BANP: variants seen among roughly 807,000 people sequenced by gnomAD.
BANP encodes the protein protein BANP.
In BANP, 11 loss-of-function variants were observed where a neutral mutation model predicts 68.1. The observed-to-expected ratio is 0.16, with a 90% CI of 0.10 to 0.27. BANP has a LOEUF of 0.27. BANP is among the 10% of genes least tolerant of loss of function. The pLI, the probability that BANP is intolerant of heterozygous loss-of-function variation, is 1.00. For synonymous variants in BANP, 329 were observed against 303.2 expected (o/e 1.09, Z -0.88); for missense variants, 504 against 722.7 (o/e 0.70, Z 3.47).
chr16:87,973,412 G>T (rs571654434), intron 1 of BANP, among the ~76,000 whole-genome samples: 1 of 152,216 alleles, frequency 6.6e-6, no homozygotes, highest in South Asian at 2.1e-4. Context: ...CTCTATAAAG[G>T]AAGATTTAAG....
At chr16:87,999,137 C>T (rs1327736580) in intron 4 of BANP, among the ~76,000 whole-genome samples, 8 of 142,160 alleles carry the variant, frequency 5.6e-5, no homozygotes, top group African/African-American at 1.3e-4. Context: ...CATGCATGCA[C>T]GTGCATGGCT....
chr16:88,076,465 G>A, intron 13 of BANP, 125 bp from the exon 14 acceptor site: 1 of 766,540 alleles, frequency 1.3e-6, no homozygotes, highest in South Asian at 1.9e-5. Context: ...GGCCGTCAGG[G>A]CTCCTTCGCG....
intron 6 of BANP, among the ~76,000 whole-genome samples, chr16:88,016,513 CTG>C (rs1477111919): frequency 6.6e-6 from 1 of 152,252 alleles, no homozygotes; most frequent in Non-Finnish European, 1.5e-5. Flanking sequence ...GCCTGCGCCG[CTG>C]TGTTCGATGA....
chr16:87,975,278 AG>A, intron 2 of BANP, 93 bp downstream of exon 2: 1 of 1,288,158 alleles, frequency 7.8e-7, no homozygotes, highest in South Asian at 1.2e-5. Flanking sequence ...TTTAAGCAGA[AG>A]AAAAAGTAAT....
At chr16:88,011,174 G>A (rs1007324930) in intron 6 of BANP, among the ~76,000 whole-genome samples, 1 of 152,172 alleles carries the variant, frequency 6.6e-6, no homozygotes, top group African/African-American at 2.4e-5. Context: ...AGCGGCTTGC[G>A]TTGAGTTTCC....
chr16:88,029,406 G>A (rs1352484236), intron 8 of BANP, among the ~76,000 whole-genome samples: 2 of 150,694 alleles, frequency 1.3e-5, no homozygotes, highest in African/African-American at 2.4e-5. Context: ...TCAGGAGATC[G>A]AGACCATCCT....
intron 6 of BANP, among the ~76,000 whole-genome samples, chr16:88,009,577 A>G (rs1478288908): frequency 6.6e-6 from 1 of 152,272 alleles, no homozygotes; most frequent in Admixed American, 6.5e-5. Context: ...CTCCACTGGA[A>G]TAAGAAGGAT....
At chr16:87,970,762 T>C (rs1269562341) in intron 1 of BANP, among the ~76,000 whole-genome samples, 1 of 152,154 alleles carries the variant, frequency 6.6e-6, no homozygotes, top group African/African-American at 2.4e-5. Flanking sequence ...GCTCGGCCTG[T>C]CATCCCAGCA....
At chr16:87,998,710 G>A (rs1341211188) in intron 4 of BANP, among the ~76,000 whole-genome samples, 1 of 146,410 alleles carries the variant, frequency 6.8e-6, no homozygotes, top group Admixed American at 6.8e-5. Context: ...TTCCAGACGT[G>A]TCTCCATGCA....
rs1313846403 is a variant in BANP, at chr16:88,037,844, A to G, written c.1273-129A>G. ...GGCTTTTGTTGCTACTGGAGGTTGAATTTTTGCAGAACTGGGGTTTTCTTG... is the reference window on the plus strand; with the variant it reads ...GGCTTTTGTTGCTACTGGAGGTTGAGTTTTTGCAGAACTGGGGTTTTCTTG... On this transcript the variant is annotated intron_variant, in intron 10 of 13. Transcript: ENST00000682872. The G allele has an allele frequency of 5.7e-6, 5 of 871,526 alleles. No homozygotes were observed. In the African/African-American group the frequency reaches 6.7e-5, roughly 12 times the overall value. The allele number at this position is 871,526 out of a possible 1,614,324, so 54.0% of individuals were successfully genotyped here. A position where few individuals can be genotyped will look rare whatever the true frequency, so the allele number is the denominator to read the frequency against.
chr16:88,043,217 G>C (rs1204846084), intron 11 of BANP, among the ~76,000 whole-genome samples: 2 of 152,188 alleles, frequency 1.3e-5, no homozygotes, highest in East Asian at 1.9e-4. Context: ...TGTTGGAGTT[G>C]AAATTAAAAT....
intron 1 of BANP, among the ~76,000 whole-genome samples, chr16:87,954,158 G>C (rs1229218175): frequency 1.3e-5 from 2 of 152,084 alleles, no homozygotes; most frequent in East Asian, 1.9e-4. Context: ...GTGGAGCCCT[G>C]GAGTTGCGTC....
intron 11 of BANP, among the ~76,000 whole-genome samples, chr16:88,042,506 C>A (rs980043059): frequency 2.0e-5 from 3 of 152,220 alleles, no homozygotes; most frequent in Non-Finnish European, 4.4e-5. Context: ...CTTTATTGTT[C>A]TTTTTGACCT....
chr16:87,962,530 A>G (rs1567589606), intron 1 of BANP, among the ~76,000 whole-genome samples: 2 of 152,198 alleles, frequency 1.3e-5, no homozygotes. Context: ...TTACTGCCTT[A>G]GAGCCTAGAC....
intron 8 of BANP, 38 bp downstream of exon 8, chr16:88,027,688 C>T (rs752123073): frequency 6.8e-6 from 11 of 1,608,968 alleles, no homozygotes; most frequent in African/African-American, 1.3e-5. Flanking sequence ...CCCTCCCCCG[C>T]TCGGGGCAGC....
At chr16:88,043,273 C>T (rs1178980069) in intron 11 of BANP, among the ~76,000 whole-genome samples, 1 of 152,202 alleles carries the variant, frequency 6.6e-6, no homozygotes, top group East Asian at 1.9e-4. Flanking sequence ...GTAGCTCCTT[C>T]GGGTGAGCTG....
intron 1 of BANP, among the ~76,000 whole-genome samples, chr16:87,951,810 C>G (rs2056936541): frequency 6.6e-6 from 1 of 152,046 alleles, no homozygotes; most frequent in Admixed American, 6.5e-5. Context: ...CTCGCGCTCC[C>G]GACCTCTGTC....
At chr16:88,052,588 A>G (rs2083500089) in intron 11 of BANP, among the ~76,000 whole-genome samples, 1 of 151,638 alleles carries the variant, frequency 6.6e-6, no homozygotes, top group Non-Finnish European at 1.5e-5. Context: ...TGCCAACACA[A>G]CCACCTCTAC....
intron 11 of BANP, among the ~76,000 whole-genome samples, chr16:88,042,514 C>T (rs1308738856): frequency 6.6e-6 from 1 of 152,248 alleles, no homozygotes; most frequent in Non-Finnish European, 1.5e-5. Flanking sequence ...TTCTTTTTGA[C>T]CTCTAGGTGC....
Sources: allele counts gnomAD v4.1 joint callset (sites outside exome capture counted in the v4.1 genomes callset), GRCh38; gene constraint gnomAD v4.1.1; transcripts MANE v1.5; gene names NCBI Gene and HGNC (gene_info 2026-07-23, HGNC 2026-07-21).